The following CHD3 variants were observed in gnomAD, a reference collection of about 807,000 sequenced individuals.
CHD3 encodes chromodomain helicase DNA binding protein 3, also known as ATP-dependent chromatin remodeler CHD3.
A neutral mutation model predicts 248.9 loss-of-function variants in CHD3; 52 were observed. The observed-to-expected ratio is 0.21, with a 90% CI of 0.17 to 0.26. The LOEUF is 0.26. CHD3 is among the 10% of genes least tolerant of loss of function. CHD3 has a pLI of 1.00. For missense variants in CHD3, 1,482 were observed against 2,605.8 expected (o/e 0.57, Z 9.39); for synonymous variants, 985 against 985.2 (o/e 1.00, Z 0.00).
Position 7,897,892 on chromosome 17 carries a change from C to A in CHD3, c.1920-79C>A. On this transcript the variant is annotated intron_variant, in intron 11 of 39. Transcript: ENST00000330494. The surrounding 1 kb of genome is among the most constrained non-coding windows in gnomAD (Gnocchi z 4.8). ...AATTTTGTGTGTTTGCTGATAATTG[C>A]GTTTCTCAGGCCTTCTTTCTGTTTG... The A allele has an allele frequency of 6.8e-7, 1 of 1,467,252 alleles. No individual in the cohort carries two copies. Among genetic ancestry groups the A allele is most frequent in the East Asian group, 2.3e-5 (1 of 42,942 alleles). The allele number at this position is 1,467,252 out of a possible 1,614,324, so 90.9% of individuals were successfully genotyped here. A position where few individuals can be genotyped will look rare whatever the true frequency, so the allele number is the denominator to read the frequency against.
At position 7,910,597 on chromosome 17, in the gene CHD3, C is replaced by T. The variant is rs779975301; in HGVS notation, c.5754+6C>T. 6.2e-7 allele frequency: 1 copy of T among 1,602,598 alleles called. No homozygotes were observed. Among genetic ancestry groups the T allele is most frequent in the Non-Finnish European group, 8.5e-7 (1 of 1,175,508 alleles). ...CGGAGCCTCACCCCACACCGGTAAC[C>T]CTCTTTCCCCCTAGCTCCAGTTTTC... On this transcript the variant is annotated splice_donor_region_variant and intron_variant, in intron 38 of 39. Transcript: ENST00000330494. The surrounding 1 kb of genome is among the most constrained non-coding windows in gnomAD (Gnocchi z 4.7).
rs778123554 is a variant in CHD3, at chr17:7,894,217, C to T, written c.1027C>T (p.Arg343Cys). The change falls in exon 7 of 40, where the codon CGC (arginine) becomes TGC (cysteine). Residue 343 changes from arginine to cysteine, a missense_variant. Physicochemically the swap from Arg to Cys is radical, Grantham distance 180 (BLOSUM62 -3). Coordinates refer to ENST00000330494, the MANE Select transcript of CHD3 (RefSeq NM_001005273.3). ...SASGRPDGPVRTKKLKRGRPG... is the reference protein window; with the variant it reads ...SASGRPDGPVCTKKLKRGRPG... ...CTCAGGCCGGCCTGATGGCCCTGTC[C>T]GCACCAAGAAACTAAAGAGAGGCCG... The T allele has an allele frequency of 1.2e-5, 19 of 1,614,002 alleles. No homozygotes were observed. Among genetic ancestry groups the T allele is most frequent in the South Asian group, 5.5e-5 (5 of 91,080 alleles).
intron 20 of CHD3, among the ~76,000 whole-genome samples, chr17:7,901,834 C>G (rs559313061): frequency 6.6e-6 from 1 of 152,058 alleles, no homozygotes; most frequent in Non-Finnish European, 1.5e-5. Flanking sequence ...CTTAAGGTTG[C>G]TGGAAGTTGA....
chr17:7,909,521 A>G lies in CHD3; in HGVS notation c.5590+183A>G. The G allele has an allele frequency of 6.0e-6, 5 of 831,524 alleles. No individual in the cohort carries two copies. Among genetic ancestry groups the G allele is most frequent in the Non-Finnish European group, 9.0e-6 (5 of 558,120 alleles). 51.5% of individuals were successfully genotyped at this position (831,524 alleles called of 1,614,324 possible). A position where few individuals can be genotyped will look rare whatever the true frequency, so the allele number is the denominator to read the frequency against. ...GGATTTTAGCCTCTAGGACTTGTGC[A>G]AGCCAACCCTCATCCATGTCTGATA... is the stretch of plus-strand genomic sequence containing the variant. On this transcript the variant is annotated intron_variant, in intron 37 of 39. Transcript: ENST00000330494. The surrounding 1 kb of genome is among the most constrained non-coding windows in gnomAD (Gnocchi z 8.1).
Position 7,907,675 on chromosome 17 carries a change from G to T in CHD3, c.4999G>T (p.Gly1667Trp). ...DGQEHRERPE[G>W]ETGDLGKRED... is the part of the protein sequence containing the mutation. Reference sequence around the variant, plus strand: ...ACAGGAACACAGGGAGAGGCCGGAGGGGGAAACAGGGGATTTGGGCAAGAG... The same window carrying T: ...ACAGGAACACAGGGAGAGGCCGGAGTGGGAAACAGGGGATTTGGGCAAGAG... Residue 1667 changes from glycine (G) to tryptophan (W), a missense_variant, in exon 33 of 40, where the codon GGG (glycine) becomes TGG (tryptophan). Around this residue, in one of 20 missense-constraint regions of CHD3, gnomAD observed 254 missense variants for 266.7 expected, o/e 0.95. Coordinates refer to ENST00000330494, the MANE Select transcript of CHD3 (RefSeq NM_001005273.3). The surrounding 1 kb of genome is among the most constrained non-coding windows in gnomAD (Gnocchi z 4.3). 6.5e-7 allele frequency: 1 copy of T among 1,535,402 alleles called. No homozygotes were observed. Among genetic ancestry groups the T allele is most frequent in the Non-Finnish European group, 8.7e-7 (1 of 1,147,536 alleles).
chr17:7,911,063 C>T lies in CHD3; in HGVS notation c.5881+90C>T. The T allele has an allele frequency of 6.5e-7, 1 of 1,537,988 alleles. No homozygotes were observed. The highest frequency in any genetic ancestry group is 8.9e-7 in the Non-Finnish European group (1 of 1,125,018). On this transcript the variant is annotated intron_variant, in intron 39 of 39. Coordinates refer to ENST00000330494, the MANE Select transcript of CHD3 (RefSeq NM_001005273.3). The surrounding 1 kb of genome is among the most constrained non-coding windows in gnomAD (Gnocchi z 5.4). ...CAGCTGCCCTTTAACTGCTCTAGTC[C>T]ATCTCATTTCCTTGGTGGTATCCGG...
chr17:7,899,581 A>T lies in CHD3; in HGVS notation c.2544+38A>T. 1 of 1,584,864 alleles carries T rather than the reference A, an allele frequency of 6.3e-7. No individual in the cohort carries two copies. Among genetic ancestry groups the T allele is most frequent in the Non-Finnish European group, 8.6e-7 (1 of 1,157,002 alleles). ...ACCTCATATCCTCTGAGACCCTCAA[A>T]GCTGTCACTTCTTTTTCTCAGCCAG... On this transcript the variant is annotated intron_variant, in intron 15 of 39. Transcript: ENST00000330494. This position sits in a 1 kb window ranked among gnomAD's most constrained non-coding sequence, Gnocchi z 6.8.
Position 7,908,070 on chromosome 17 carries a change from T to C in CHD3, c.5152+51T>C. 1 of 1,537,586 alleles carries C rather than the reference T, an allele frequency of 6.5e-7. No individual in the cohort carries two copies. The highest frequency in any genetic ancestry group is 1.2e-5 in the South Asian group (1 of 80,128). ...GCTCCTCAAGGGGATCTGCTCATCCTCATGGGGTTTCTCGTTTTGCCTGAG... is the reference window on the plus strand; with the variant it reads ...GCTCCTCAAGGGGATCTGCTCATCCCCATGGGGTTTCTCGTTTTGCCTGAG... On this transcript the variant is annotated intron_variant, in intron 34 of 39. Transcript: ENST00000330494. The surrounding 1 kb of genome is among the most constrained non-coding windows in gnomAD (Gnocchi z 5.8).
chr17:7,908,286 C>T lies in CHD3; in HGVS notation c.5153-116C>T, dbSNP rs1393234616. Reference sequence around the variant, plus strand: ...CCAAACCTAACCTTTACCCATTCCTCTTCAGGAGCCCTTAGTTCCCTTTCA... The same window carrying T: ...CCAAACCTAACCTTTACCCATTCCTTTTCAGGAGCCCTTAGTTCCCTTTCA... On this transcript the variant is annotated intron_variant, in intron 34 of 39. Coordinates refer to ENST00000330494, the MANE Select transcript of CHD3 (RefSeq NM_001005273.3). This position sits in a 1 kb window ranked among gnomAD's most constrained non-coding sequence, Gnocchi z 5.8. 14 of 911,202 alleles carry T rather than the reference C, an allele frequency of 1.5e-5. No homozygotes were observed. The highest frequency in any genetic ancestry group is 2.2e-5 in the Non-Finnish European group (13 of 590,338). 56.4% of individuals were successfully genotyped at this position (911,202 alleles called of 1,614,324 possible).
rs1327840224 is a variant in CHD3 at position 7,889,814 on chromosome 17, A to G, written c.213+38A>G. On this transcript the variant is annotated intron_variant, in intron 2 of 39. Transcript: ENST00000330494. The surrounding 1 kb of genome is among the most constrained non-coding windows in gnomAD (Gnocchi z 4.5). ...AATTCCTAACTCTGTGGCAAGGCTC[A>G]AGAGACCCATTCTCAGAGACCTACA... 23 of 1,548,342 alleles carry G rather than the reference A, an allele frequency of 1.5e-5. No homozygotes were observed. The highest frequency in any genetic ancestry group is 1.9e-5 in the Non-Finnish European group (22 of 1,131,528).
chr17:7,912,140 T>G lies in CHD3; in HGVS notation c.*555T>G. 4.8e-6 allele frequency: 1 copy of G among 210,270 alleles called. No homozygotes were observed. The highest frequency in any genetic ancestry group is 9.6e-6 in the Non-Finnish European group (1 of 104,348). The allele number at this position is 210,270 out of a possible 1,614,324, so 13.0% of individuals were successfully genotyped here. On this transcript the variant is annotated 3_prime_UTR_variant, in exon 40 of 40. Transcript: ENST00000330494. The stretch of plus-strand genomic sequence containing the variant: ...TCTCCCCACGTGGAGGGTGGAGCAG[T>G]TATGAGGGAGGAAGTCAACTGCTGT...
Position 7,909,505 on chromosome 17 carries a change from C to A in CHD3, c.5590+167C>A. 9.6e-7 allele frequency: 1 copy of A among 1,036,554 alleles called. No homozygotes were observed. The highest frequency in any genetic ancestry group is 1.3e-6 in the Non-Finnish European group (1 of 741,688). The allele number at this position is 1,036,554 out of a possible 1,614,324, so 64.2% of individuals were successfully genotyped here. A position where few individuals can be genotyped will look rare whatever the true frequency, so the allele number is the denominator to read the frequency against. Reference sequence around the variant, plus strand: ...GACCTGGCACCCCCTTGGATTTTAGCCTCTAGGACTTGTGCAAGCCAACCC... The same window carrying A: ...GACCTGGCACCCCCTTGGATTTTAGACTCTAGGACTTGTGCAAGCCAACCC... On this transcript the variant is annotated intron_variant, in intron 37 of 39. Transcript: ENST00000330494. This position sits in a 1 kb window ranked among gnomAD's most constrained non-coding sequence, Gnocchi z 8.1.
chr17:7,884,827 CGAGGAGGAGGAG>C, upstream of CHD3: 1 of 803,846 alleles, frequency 1.2e-6, no homozygotes. Flanking sequence ...CTCTGAGGGA[CGAGGAGGAGGAG>C]GAGGAGGAGA....
In CHD3 at chr17:7,899,225, A is replaced by G. The variant is rs536172382; in HGVS notation, c.2343+23A>G. ...GAGGTGCTGGATTCTAGGACCTTGAAGGGGACCGCCTGGACTGGGGAAGTG... is the reference window on the plus strand; with the variant it reads ...GAGGTGCTGGATTCTAGGACCTTGAGGGGGACCGCCTGGACTGGGGAAGTG... On this transcript the variant is annotated intron_variant, in intron 14 of 39. Transcript: ENST00000330494. This position sits in a 1 kb window ranked among gnomAD's most constrained non-coding sequence, Gnocchi z 6.8. The G allele has an allele frequency of 1.2e-6, 2 of 1,609,286 alleles. No homozygotes were observed. Among genetic ancestry groups the G allele is most frequent in the East Asian group, 4.5e-5 (2 of 44,752 alleles).
chr17:7,889,800 C>A lies in CHD3; in HGVS notation c.213+24C>A. ...GTGTAAGTGTCAAGAATTCCTAACTCTGTGGCAAGGCTCAAGAGACCCATT... is the reference window on the plus strand; with the variant it reads ...GTGTAAGTGTCAAGAATTCCTAACTATGTGGCAAGGCTCAAGAGACCCATT... On this transcript the variant is annotated intron_variant, in intron 2 of 39. Transcript: ENST00000330494. The surrounding 1 kb of genome is among the most constrained non-coding windows in gnomAD (Gnocchi z 4.5). 6.3e-7 allele frequency: 1 copy of A among 1,585,470 alleles called. No homozygotes were observed. The highest frequency in any genetic ancestry group is 1.1e-5 in the South Asian group (1 of 88,670).
Position 7,900,717 on chromosome 17 carries a change from A to G in CHD3, c.2964A>G (p.Leu988=). The G allele has an allele frequency of 3.1e-6, 5 of 1,613,292 alleles. No individual in the cohort carries two copies. The highest frequency in any genetic ancestry group is 4.2e-6 in the Non-Finnish European group (5 of 1,179,322). The change falls in exon 18 of 40, where the codon CTA becomes CTG. Residue 988 remains leucine, a synonymous_variant. Coordinates refer to ENST00000330494, the MANE Select transcript of CHD3 (RefSeq NM_001005273.3). This position sits in a 1 kb window ranked among gnomAD's most constrained non-coding sequence, Gnocchi z 6.5. ...CAGAGCTCATCGTTCGGGTGGAGCT[A>G]AGCCCCATGCAGAAGTAAGATGCAA... ...AKTELIVRVE[L]SPMQKKYYKY...
Position 7,907,410 on chromosome 17 carries a change from C to A in CHD3, c.4846C>A (p.Pro1616Thr). Residue 1616 changes from proline (P) to threonine (T), a missense_variant, in exon 32 of 40, where the codon CCT (proline) becomes ACT (threonine). Pro to Thr is a conservative substitution (Grantham distance 38, BLOSUM62 -1). Transcript: ENST00000330494. The surrounding 1 kb of genome is among the most constrained non-coding windows in gnomAD (Gnocchi z 4.3). ...GGAGCGGCTGGAGCCAAGGAAGATT[C>A]CTCTAGAGGATGAGGTGCCAGGGGT... Reference protein sequence around the residue: ...LGERLEPRKIPLEDEVPGVPG... With the variant: ...LGERLEPRKITLEDEVPGVPG... 6.2e-7 allele frequency: 1 copy of A among 1,611,228 alleles called. No homozygotes were observed. The highest frequency in any genetic ancestry group is 8.5e-7 in the Non-Finnish European group (1 of 1,178,630).
Position 7,889,557 on chromosome 17 carries a change from T to G in CHD3, c.101-107T>G. The G allele has an allele frequency of 3.5e-6, 3 of 859,716 alleles. No individual in the cohort carries two copies. The highest frequency in any genetic ancestry group is 5.5e-6 in the Non-Finnish European group (3 of 541,936). The allele number at this position is 859,716 out of a possible 1,614,324, so 53.3% of individuals were successfully genotyped here. A position where few individuals can be genotyped will look rare whatever the true frequency, so the allele number is the denominator to read the frequency against. ...GGGAGGCAGGGCTTGGAGGAGTTAATGCTTCCTAGAGAGTGGGAACTGCCG... is the reference window on the plus strand; with the variant it reads ...GGGAGGCAGGGCTTGGAGGAGTTAAGGCTTCCTAGAGAGTGGGAACTGCCG... On this transcript the variant is annotated intron_variant, in intron 1 of 39. Coordinates refer to ENST00000330494, the MANE Select transcript of CHD3 (RefSeq NM_001005273.3). The surrounding 1 kb of genome is among the most constrained non-coding windows in gnomAD (Gnocchi z 4.5).
chr17:7,901,866 C>G (rs1970363203), intron 20 of CHD3, among the ~76,000 whole-genome samples: 1 of 152,036 alleles, frequency 6.6e-6, no homozygotes, highest in Admixed American at 6.6e-5. Flanking sequence ...AGTTCCTTTT[C>G]AGCTGCATGA....
Sources: gnomAD v4.1 joint callset for allele counts (sites outside exome capture counted in the v4.1 genomes callset) on GRCh38, gnomAD v4.1.1 for gene constraint, gnomAD v4.1.1 regional missense constraint, Gnocchi (gnomAD v3.1) non-coding constraint, MANE v1.5 for transcripts, NCBI Gene and HGNC (gene_info 2026-07-23, HGNC 2026-07-21) for gene names.